Variants in SGCZ observed in about 807,000 individuals in gnomAD.
The protein encoded by SGCZ is zeta-sarcoglycan.
In SGCZ, 40 loss-of-function variants were observed where a neutral mutation model predicts 41.3. The observed-to-expected ratio is 0.97, with a 90% CI of 0.75 to 1.26. The LOEUF is 1.26. Ranked by LOEUF, SGCZ falls within the 50% of genes most tolerant of loss-of-function variation. The pLI is 0.00. For missense variants in SGCZ, 552 were observed against 369.8 expected (o/e 1.49, Z -4.04); for synonymous variants, 206 against 137.5 (o/e 1.50, Z -3.49).
chr8:14,225,950 A>G (rs746119847), intron 4 of SGCZ, among the ~76,000 whole-genome samples: 7 of 152,104 alleles, frequency 4.6e-5, no homozygotes, highest in Non-Finnish European at 1.0e-4. Flanking sequence ...CGTATCATAG[A>G]CCTTATCAAA....
In SGCZ at chr8:14,451,302, G is replaced by T. The variant is rs553112650; in HGVS notation, c.234+103430C>A. Among the ~76,000 whole-genome samples, 20 of 152,156 alleles carry T rather than the reference G, an allele frequency of 1.3e-4. No individual in the cohort carries two copies. The South Asian group carries it at 4.1e-3, about 32-fold the overall frequency. ...TTTTGATGAAAATTTATATCATGAAGGTTCAGTGATCTTAGAATAGAAAAG... is the reference window on the plus strand; with the variant it reads ...TTTTGATGAAAATTTATATCATGAATGTTCAGTGATCTTAGAATAGAAAAG... On this transcript the variant is annotated intron_variant, in intron 2 of 7. Transcript: ENST00000382080.
At chr8:14,289,218 A>AATT (rs1554494461) in intron 3 of SGCZ, among the ~76,000 whole-genome samples, 5 of 149,574 alleles carry the variant, frequency 3.3e-5, no homozygotes, top group Admixed American at 1.3e-4. Context: ...ACATAGTAGG[A>AATT]TTTTTTTTTT....
rs564966955 is a variant in SGCZ at position 14,243,761 on chromosome 8, C to T, written c.337-6082G>A. On this transcript the variant is annotated intron_variant, in intron 3 of 7. Coordinates refer to ENST00000382080, the MANE Select transcript of SGCZ (RefSeq NM_139167.4). The stretch of plus-strand genomic sequence containing the variant: ...ACATTTTTCCAGTCCAAGTCTAAGT[C>T]CTGTCCTCTGTGAAGCCTTTCTACT... Among the ~76,000 whole-genome samples the T allele has an allele frequency of 5.3e-5, 8 of 152,290 alleles. No individual in the cohort carries two copies. In the East Asian group the frequency reaches 1.5e-3, roughly 29 times the overall value.
chr8:14,910,133 T>C (rs1035537685), intron 1 of SGCZ, among the ~76,000 whole-genome samples: 1 of 152,102 alleles, frequency 6.6e-6, no homozygotes, highest in Non-Finnish European at 1.5e-5. Flanking sequence ...TCTATAAAAC[T>C]TATGACCCTA....
chr8:14,430,263 T>C (rs1194595511), intron 2 of SGCZ, among the ~76,000 whole-genome samples: 4 of 152,160 alleles, frequency 2.6e-5, no homozygotes, highest in African/African-American at 9.7e-5. Flanking sequence ...TACAGACCAC[T>C]ATCCCTAATG....
At chr8:14,217,461 C>T (rs918926657) in intron 4 of SGCZ, among the ~76,000 whole-genome samples, 6 of 151,860 alleles carry the variant, frequency 4.0e-5, no homozygotes, top group African/African-American at 7.3e-5. Context: ...CATTGTAAGA[C>T]GTGGGGTGAA....
At chr8:15,058,190 C>A (rs892093098) in intron 1 of SGCZ, among the ~76,000 whole-genome samples, 46 of 152,126 alleles carry the variant, frequency 3.0e-4, no homozygotes, top group Non-Finnish European at 2.9e-5. Context: ...AGCAGTATGT[C>A]TCAATAAGTC....
intron 1 of SGCZ, among the ~76,000 whole-genome samples, chr8:14,885,332 G>C (rs1804748563): frequency 6.6e-6 from 1 of 152,140 alleles, no homozygotes; most frequent in African/African-American, 2.4e-5. Flanking sequence ...GTTCTGGTTA[G>C]AGTAGTATAT....
At chr8:15,023,826 C>G (rs1160119307) in intron 1 of SGCZ, among the ~76,000 whole-genome samples, 1 of 152,098 alleles carries the variant, frequency 6.6e-6, no homozygotes, top group Non-Finnish European at 1.5e-5. Context: ...ATATAAAACA[C>G]TAAGTGATCT....
At chr8:14,500,838 T>C (rs1802131238) in intron 2 of SGCZ, among the ~76,000 whole-genome samples, 2 of 152,148 alleles carry the variant, frequency 1.3e-5, no homozygotes, top group South Asian at 4.1e-4. Context: ...CTGGTTTTCA[T>C]ATGTAACTCT....
chr8:14,111,089 A>C lies in SGCZ; in HGVS notation c.548-2854T>G, dbSNP rs976834251. On this transcript the variant is annotated intron_variant, in intron 5 of 7. Coordinates refer to ENST00000382080, the MANE Select transcript of SGCZ (RefSeq NM_139167.4). Reference sequence around the variant, plus strand: ...AACAACAACAACAACAAACTTTAAAAAAAAACTGTCTCTCTCAAGAATTGA... The same window carrying C: ...AACAACAACAACAACAAACTTTAAACAAAAACTGTCTCTCTCAAGAATTGA... Among the ~76,000 whole-genome samples the C allele has an allele frequency of 2.6e-5, 4 of 152,058 alleles. No homozygotes were observed. In the East Asian group the frequency reaches 7.7e-4, roughly 29 times the overall value.
intron 1 of SGCZ, among the ~76,000 whole-genome samples, chr8:14,812,333 A>T (rs28537106): frequency 0.19 from 28,367 of 151,996 alleles, 4,646 homozygotes; most frequent in African/African-American, 0.44. Context: ...AAGATATACA[A>T]ACATAGTTGG....
At chr8:14,120,025 T>C (rs1802650920) in intron 5 of SGCZ, among the ~76,000 whole-genome samples, 1 of 152,146 alleles carries the variant, frequency 6.6e-6, no homozygotes, top group Non-Finnish European at 1.5e-5. Flanking sequence ...GAAATTTTCT[T>C]TTTCTGTGTG....
chr8:14,814,004 A>G (rs1801818077), intron 1 of SGCZ, among the ~76,000 whole-genome samples: 1 of 152,148 alleles, frequency 6.6e-6, no homozygotes, highest in Non-Finnish European at 1.5e-5. Flanking sequence ...CAAGTGCTAC[A>G]AAAGATAACT....
intron 1 of SGCZ, among the ~76,000 whole-genome samples, chr8:15,158,678 T>A (rs59481272): frequency 3.9e-5 from 6 of 152,192 alleles, no homozygotes; most frequent in Admixed American, 3.3e-4. Context: ...GTAGGTTCTT[T>A]GAATATAAAT....
Position 14,447,045 on chromosome 8 carries a change from C to T in SGCZ, c.234+107687G>A, listed in dbSNP as rs116181786. ...TGCATAATTCATTTCAGCAGTTTTC[C>T]GAGAAATACCACATTTTCCAGAAAA... On this transcript the variant is annotated intron_variant, in intron 2 of 7. Coordinates refer to ENST00000382080, the MANE Select transcript of SGCZ (RefSeq NM_139167.4). Among the ~76,000 whole-genome samples, 1,120 of 152,048 alleles carry T rather than the reference C, an allele frequency of 7.4e-3. 15 individuals are homozygous for T. Among genetic ancestry groups the T allele is most frequent in the African/African-American group, 0.024 (1,002 of 41,500 alleles).
chr8:14,710,292 C>A (rs1207918494), intron 1 of SGCZ, among the ~76,000 whole-genome samples: 2 of 149,994 alleles, frequency 1.3e-5, no homozygotes, highest in Non-Finnish European at 2.9e-5. Flanking sequence ...ATGGAGTGAA[C>A]CCGGCAGGCA....
intron 1 of SGCZ, among the ~76,000 whole-genome samples, chr8:15,005,793 C>A (rs536778816): frequency 6.6e-6 from 1 of 152,160 alleles, no homozygotes. Context: ...CTTTATTATG[C>A]TGACACCAGT....
chr8:14,119,682 G>A (rs1274403550), intron 5 of SGCZ, among the ~76,000 whole-genome samples: 2 of 152,106 alleles, frequency 1.3e-5, no homozygotes, highest in East Asian at 1.9e-4. Flanking sequence ...CATTCAGTAT[G>A]ATATTAGCTG....
Sources: gnomAD v4.1 joint callset for allele counts (sites outside exome capture counted in the v4.1 genomes callset) on GRCh38, gnomAD v4.1.1 for gene constraint, MANE v1.5 for transcripts, NCBI Gene and HGNC (gene_info 2026-07-23, HGNC 2026-07-21) for gene names.